Variants in TYR observed in about 807,000 individuals in gnomAD.
TYR encodes the protein tyrosinase.
TYR carries 58 observed loss-of-function variants against 51.5 expected under a neutral mutation model. That is an observed-to-expected ratio of 1.13 (90% confidence interval 0.91 to 1.40). The LOEUF (loss-of-function observed/expected upper bound fraction) is 1.40, where lower values mean the gene tolerates loss of function less well. Among genes scored for constraint, TYR ranks in the 40% most tolerant of loss-of-function variants. The probability of loss-of-function intolerance (pLI) is 0.00; values close to 1 mark genes in which losing one functional copy is unlikely to be tolerated. For synonymous variants in TYR, 263 were observed against 235.2 expected (o/e 1.12, Z -1.08); for missense variants, 732 against 647.4 (o/e 1.13, Z -1.42).
chr11:89,269,018 A>T (rs1375369991), intron 3 of TYR, among the ~76,000 whole-genome samples: 1 of 151,934 alleles, frequency 6.6e-6, no homozygotes, highest in Admixed American at 6.6e-5. Flanking sequence ...AGCATCATTT[A>T]TATTACCTTA....
chr11:89,197,795 T>C (rs1943542572), intron 2 of TYR, among the ~76,000 whole-genome samples: 2 of 152,146 alleles, frequency 1.3e-5, no homozygotes, highest in African/African-American at 2.4e-5. Flanking sequence ...ACATCTGTGA[T>C]TGATTTCTAA....
intron 4 of TYR, among the ~76,000 whole-genome samples, chr11:89,292,994 A>C (rs767886048): frequency 3.9e-5 from 6 of 152,140 alleles, no homozygotes; most frequent in Non-Finnish European, 7.4e-5. Context: ...ACACAGCAGG[A>C]TCTGTCTAGT....
chr11:89,287,728 T>A (rs1309516200), intron 4 of TYR, among the ~76,000 whole-genome samples: 2 of 151,912 alleles, frequency 1.3e-5, no homozygotes, highest in Non-Finnish European at 2.9e-5. Context: ...ATAATCAAAT[T>A]TGAATTTTCA....
intron 2 of TYR, among the ~76,000 whole-genome samples, chr11:89,221,672 A>C (rs1413889392): frequency 1.3e-5 from 2 of 152,240 alleles, no homozygotes; most frequent in African/African-American, 2.4e-5. Context: ...ACATTAGGAG[A>C]GTAAATTGGA....
At chr11:89,228,619 T>G (rs16912262) in intron 3 of TYR, among the ~76,000 whole-genome samples, 5,071 of 152,254 alleles carry the variant, frequency 0.033, 277 homozygotes, top group African/African-American at 0.12. Context: ...CTAACACACT[T>G]TCATATAAGG....
intron 4 of TYR, among the ~76,000 whole-genome samples, chr11:89,286,501 T>A (rs1944788700): frequency 6.6e-6 from 1 of 151,836 alleles, no homozygotes. Context: ...TGCTTTTTCA[T>A]AGATGAGGAA....
At chr11:89,213,832 G>C (rs1189925879) in intron 2 of TYR, among the ~76,000 whole-genome samples, 1 of 152,108 alleles carries the variant, frequency 6.6e-6, no homozygotes, top group Non-Finnish European at 1.5e-5. Flanking sequence ...ACAAAAACAA[G>C]TAATGGAGAA....
At position 89,295,739 on chromosome 11, in the gene TYR, A is replaced by C. The variant is rs1944900461; in HGVS notation, c.*373A>C. Reference sequence around the variant, plus strand: ...GTTTTATTGGCCCCTTCTTTATTTTAATAAAACAGTGAGAAATCTACATTA... The same window carrying C: ...GTTTTATTGGCCCCTTCTTTATTTTCATAAAACAGTGAGAAATCTACATTA... On this transcript the variant is annotated 3_prime_UTR_variant, in exon 5 of 5. Transcript: ENST00000263321. 1.3e-5 allele frequency: 3 copies of C among 231,852 alleles called. No homozygotes were observed. The highest frequency in any genetic ancestry group is 7.0e-5 in the African/African-American group (3 of 42,950). 14.4% of individuals were successfully genotyped at this position (231,852 alleles called of 1,614,324 possible).
rs1944729640 is a variant in TYR at position 89,282,344 on chromosome 11, A to G, written c.1185-2429A>G. On this transcript the variant is annotated intron_variant, in intron 3 of 4. Transcript: ENST00000263321. The stretch of plus-strand genomic sequence containing the variant: ...ACAGGGGTGGTGGAGGGATTATCAG[A>G]CAGCCTCCTTCTCATTTTAAAAATT... Among the ~76,000 whole-genome samples, 25 of 151,934 alleles carry G rather than the reference A, an allele frequency of 1.6e-4. 1 individual carries two copies. The South Asian group carries it at 5.0e-3, about 30-fold the overall frequency.
At position 89,290,259 on chromosome 11, in the gene TYR, C is replaced by T. The variant is rs550885216; in HGVS notation, c.1367-4884C>T. Among the ~76,000 whole-genome samples, 28 of 152,030 alleles carry T rather than the reference C, an allele frequency of 1.8e-4. No individual in the cohort carries two copies. The East Asian group carries it at 2.7e-3, about 15-fold the overall frequency. ...AACGCAGATGGCTTACAAAGAAAGT[C>T]TGAATTTGAAGGATGTTGAGAAATA... On this transcript the variant is annotated intron_variant, in intron 4 of 4. Transcript: ENST00000263321.
intron 2 of TYR, among the ~76,000 whole-genome samples, chr11:89,215,249 A>C (rs552752633): frequency 1.3e-5 from 2 of 152,088 alleles, no homozygotes; most frequent in Non-Finnish European, 2.9e-5. Flanking sequence ...GATGAAGCTG[A>C]AAACCATCAT....
intron 4 of TYR, among the ~76,000 whole-genome samples, chr11:89,286,768 CAG>C (rs1226196340): frequency 1.3e-5 from 2 of 151,780 alleles, no homozygotes; most frequent in African/African-American, 4.8e-5. Flanking sequence ...TCACTAAGAA[CAG>C]AGAAATTTGC....
intron 2 of TYR, among the ~76,000 whole-genome samples, chr11:89,223,621 A>G (rs929504158): frequency 2.0e-5 from 3 of 152,126 alleles, no homozygotes; most frequent in African/African-American, 7.2e-5. Context: ...GATTGAGAGT[A>G]TTTTATATTT....
chr11:89,233,153 ACAATAT>A (rs758034539), intron 3 of TYR, among the ~76,000 whole-genome samples: 10 of 143,644 alleles, frequency 7.0e-5, no homozygotes, highest in Admixed American at 2.8e-4. Context: ...ATACTTTGTT[ACAATAT>A]CAAAACATTC....
intron 3 of TYR, among the ~76,000 whole-genome samples, chr11:89,252,141 A>T (rs1944338241): frequency 6.6e-6 from 1 of 151,832 alleles, no homozygotes; most frequent in Non-Finnish European, 1.5e-5. Context: ...GCAATTCTTA[A>T]AGTTGATATA....
intron 2 of TYR, among the ~76,000 whole-genome samples, chr11:89,195,511 T>C (rs1011515392): frequency 5.9e-5 from 9 of 151,962 alleles, no homozygotes; most frequent in Non-Finnish European, 1.0e-4. Context: ...AAACCCCGTT[T>C]CTACTAAAAA....
rs541405278 is a variant in TYR, at chr11:89,212,311, CT to C, written c.1037-15511del. Among the ~76,000 whole-genome samples, 599 of 152,294 alleles carry C rather than the reference CT, an allele frequency of 3.9e-3. 5 individuals are homozygous for C. Among genetic ancestry groups the C allele is most frequent in the African/African-American group, 0.014 (573 of 41,562 alleles). On this transcript the variant is annotated intron_variant, in intron 2 of 4. Coordinates refer to ENST00000263321, the MANE Select transcript of TYR (RefSeq NM_000372.5). ...CCATCAGAGAATACTATAAACACCT[CT>C]ATGCAAATAATCTAGAAAATCTAGA... is the stretch of plus-strand genomic sequence containing the variant.
chr11:89,226,934 G>A (rs1041197548), intron 2 of TYR, among the ~76,000 whole-genome samples: 6 of 151,938 alleles, frequency 3.9e-5, no homozygotes, highest in African/African-American at 1.5e-4. Flanking sequence ...GCCTGAGTGG[G>A]CACTAAAAAG....
At chr11:89,274,076 G>T (rs182295953) in intron 3 of TYR, among the ~76,000 whole-genome samples, 138 of 151,978 alleles carry the variant, frequency 9.1e-4, no homozygotes, top group South Asian at 2.3e-3. Flanking sequence ...CTCATAATAT[G>T]TTATAATCCC....
Sources: allele counts gnomAD v4.1 joint callset (sites outside exome capture counted in the v4.1 genomes callset), GRCh38; gene constraint gnomAD v4.1.1; transcripts MANE v1.5; gene names NCBI Gene and HGNC (gene_info 2026-07-23, HGNC 2026-07-21).